The following PRKN variants were observed in gnomAD, a reference collection of about 807,000 sequenced individuals.
The protein encoded by PRKN is parkin RBR E3 ubiquitin protein ligase, also known as E3 ubiquitin-protein ligase parkin.
In PRKN, 56 loss-of-function variants were observed where a neutral mutation model predicts 59.5. The observed-to-expected ratio is 0.94, with a 90% confidence interval of 0.76 to 1.18. The LOEUF (loss-of-function observed/expected upper bound fraction) is 1.18. PRKN is among the 50% of genes most tolerant of loss of function. The probability of loss-of-function intolerance (pLI) is 0.00; values close to 1 mark genes in which losing one functional copy is unlikely to be tolerated. For synonymous variants in PRKN, 250 were observed against 222.1 expected (o/e 1.13, Z -1.12); for missense variants, 657 against 596.4 (o/e 1.10, Z -1.06).
intron 2 of PRKN, among the ~76,000 whole-genome samples, chr6:162,328,146 G>A (rs1220849916): frequency 6.6e-6 from 1 of 152,220 alleles, no homozygotes; most frequent in African/African-American, 2.4e-5. Context: ...GGGTCACAAA[G>A]TCAAGAGATC....
intron 7 of PRKN, among the ~76,000 whole-genome samples, chr6:161,662,755 T>C (rs1784592464): frequency 6.6e-6 from 1 of 152,132 alleles, no homozygotes; most frequent in African/African-American, 2.4e-5. Flanking sequence ...TTTCAGATTT[T>C]AGGAAGGTAA....
At chr6:161,640,115 TTTTG>T (rs1582930498) in intron 7 of PRKN, among the ~76,000 whole-genome samples, 1 of 152,202 alleles carries the variant, frequency 6.6e-6, no homozygotes, top group African/African-American at 2.4e-5. Flanking sequence ...CTTTCACACT[TTTTG>T]TTTATTTCCA....
chr6:161,689,142 T>C (rs1785674951), intron 7 of PRKN, among the ~76,000 whole-genome samples: 1 of 151,778 alleles, frequency 6.6e-6, no homozygotes, highest in South Asian at 2.1e-4. Context: ...TGTGTTCAAG[T>C]TTTGCCTTGT....
intron 1 of PRKN, among the ~76,000 whole-genome samples, chr6:162,606,289 TAGCTTAGCAC>T: frequency 6.6e-6 from 1 of 152,324 alleles, no homozygotes; most frequent in East Asian, 1.9e-4. Flanking sequence ...CAAAATATTA[TAGCTTAGCAC>T]AGCCTACCTT....
chr6:162,533,339 CAT>C (rs1293289841), intron 1 of PRKN, among the ~76,000 whole-genome samples: 1 of 152,034 alleles, frequency 6.6e-6, no homozygotes, highest in Non-Finnish European at 1.5e-5. Flanking sequence ...GCATGGCTGA[CAT>C]AGTGAAACCC....
At chr6:161,577,790 C>T (rs886110339) in intron 7 of PRKN, among the ~76,000 whole-genome samples, 1 of 152,114 alleles carries the variant, frequency 6.6e-6, no homozygotes, top group Non-Finnish European at 1.5e-5. Context: ...ATCCAAACAT[C>T]CTTGCTGGGT....
At chr6:162,067,958 C>T (rs2128289763) in intron 4 of PRKN, among the ~76,000 whole-genome samples, 1 of 152,290 alleles carries the variant, frequency 6.6e-6, no homozygotes, top group African/African-American at 2.4e-5. Context: ...TTACCATGAA[C>T]TACAGTGAAA....
chr6:162,407,531 C>G (rs917634993), intron 2 of PRKN, among the ~76,000 whole-genome samples: 1 of 152,180 alleles, frequency 6.6e-6, no homozygotes, highest in Non-Finnish European at 1.5e-5. Flanking sequence ...CAGTAGGCCC[C>G]AAACTCACCA....
chr6:162,621,214 TC>T (rs1194961090), intron 1 of PRKN, among the ~76,000 whole-genome samples: 3 of 152,180 alleles, frequency 2.0e-5, no homozygotes, highest in Non-Finnish European at 4.4e-5. Flanking sequence ...GAAGAGCCCT[TC>T]CCGGGTTCTC....
chr6:161,706,678 C>T (rs1158624196), intron 7 of PRKN, among the ~76,000 whole-genome samples: 5 of 152,126 alleles, frequency 3.3e-5, no homozygotes, highest in Admixed American at 2.0e-4. Flanking sequence ...CTGTCTCAGC[C>T]TCCTGAGGAG....
intron 2 of PRKN, among the ~76,000 whole-genome samples, chr6:162,411,292 G>C (rs1162469862): frequency 6.6e-6 from 1 of 152,168 alleles, no homozygotes; most frequent in African/African-American, 2.4e-5. Context: ...GGTATCTTCT[G>C]ATAACAGTAA....
intron 7 of PRKN, among the ~76,000 whole-genome samples, chr6:161,601,306 T>G (rs1267673913): frequency 1.3e-5 from 2 of 152,138 alleles, no homozygotes; most frequent in African/African-American, 4.8e-5. Context: ...GAAGGCTTCT[T>G]CCCCATTGGT....
At chr6:162,349,436 C>T (rs1287469954) in intron 2 of PRKN, among the ~76,000 whole-genome samples, 1 of 152,140 alleles carries the variant, frequency 6.6e-6, no homozygotes, top group Non-Finnish European at 1.5e-5. Flanking sequence ...CACTGCACTC[C>T]AACCTGGGCA....
intron 2 of PRKN, among the ~76,000 whole-genome samples, chr6:162,294,563 C>A (rs1781578820): frequency 1.3e-5 from 2 of 152,078 alleles, no homozygotes; most frequent in Non-Finnish European, 2.9e-5. Flanking sequence ...AAATCACAGA[C>A]CCTGCTGAAA....
intron 2 of PRKN, among the ~76,000 whole-genome samples, chr6:162,381,260 A>T (rs914121086): frequency 3.3e-5 from 5 of 152,134 alleles, no homozygotes; most frequent in Non-Finnish European, 4.4e-5. Context: ...ATGCAGCAAT[A>T]AATAGAAATT....
At chr6:162,395,752 T>C (rs1348311806) in intron 2 of PRKN, among the ~76,000 whole-genome samples, 1 of 152,080 alleles carries the variant, frequency 6.6e-6, no homozygotes, top group Admixed American at 6.6e-5. Flanking sequence ...GGTTGTTGTG[T>C]GGTTTAGCAG....
intron 1 of PRKN, among the ~76,000 whole-genome samples, chr6:162,656,376 T>C (rs189813966): frequency 1.3e-5 from 2 of 152,330 alleles, no homozygotes; most frequent in Admixed American, 6.5e-5. Context: ...GCAGGCAAGA[T>C]GGAAGTTATC....
At chr6:162,134,662 G>A (rs2128308849) in intron 4 of PRKN, among the ~76,000 whole-genome samples, 1 of 152,322 alleles carries the variant, frequency 6.6e-6, no homozygotes, top group Admixed American at 6.5e-5. Context: ...ATTTGGACCT[G>A]CTTCTCTTTA....
intron 1 of PRKN, among the ~76,000 whole-genome samples, chr6:162,673,186 C>T (rs1779400678): frequency 6.6e-6 from 1 of 152,150 alleles, no homozygotes. Context: ...TCTGTAAACA[C>T]TGAATGATAG....
Sources: allele counts gnomAD v4.1 joint callset (sites outside exome capture counted in the v4.1 genomes callset), GRCh38; gene constraint gnomAD v4.1.1; transcripts MANE v1.5; gene names NCBI Gene and HGNC (gene_info 2026-07-23, HGNC 2026-07-21).